The following SMURF2 variants were observed in gnomAD, a reference collection of about 807,000 sequenced individuals.
SMURF2 encodes SMAD specific E3 ubiquitin protein ligase 2.
In SMURF2, 48 loss-of-function variants were observed where a neutral mutation model predicts 109.6. That is an observed-to-expected ratio of 0.44 (90% CI 0.35 to 0.56). The LOEUF (loss-of-function observed/expected upper bound fraction) is 0.56, where lower values mean the gene tolerates loss of function less well. SMURF2 is among the 20% of genes least tolerant of loss of function. SMURF2 has a pLI of 0.01. For missense variants in SMURF2, 575 were observed against 909.0 expected (o/e 0.63, Z 4.72); for synonymous variants, 288 against 317.1 (o/e 0.91, Z 0.97).
intron 8 of SMURF2, among the ~76,000 whole-genome samples, chr17:64,579,303 A>G (rs1389170463): frequency 6.6e-6 from 1 of 151,928 alleles, no homozygotes; most frequent in Non-Finnish European, 1.5e-5. Context: ...TTTTTTTAGA[A>G]CAACAGAACC....
At chr17:64,564,998 G>C (rs1568176165) in intron 10 of SMURF2, among the ~76,000 whole-genome samples, 1 of 152,162 alleles carries the variant, frequency 6.6e-6, no homozygotes, top group Non-Finnish European at 1.5e-5. Flanking sequence ...TGTGGTGATG[G>C]TTTCATGGTG....
chr17:64,643,491 T>C (rs1970517150), intron 1 of SMURF2, among the ~76,000 whole-genome samples: 1 of 152,198 alleles, frequency 6.6e-6, no homozygotes, highest in Admixed American at 6.5e-5. Context: ...CTACATAAAC[T>C]GGGCTCTTTG....
chr17:64,599,038 C>A (rs1179333111), intron 2 of SMURF2, among the ~76,000 whole-genome samples: 1 of 152,156 alleles, frequency 6.6e-6, no homozygotes, highest in Non-Finnish European at 1.5e-5. Flanking sequence ...AATAAAAATA[C>A]TATACATGAA....
chr17:64,602,175 G>C (rs568579560), intron 2 of SMURF2, among the ~76,000 whole-genome samples: 1 of 151,952 alleles, frequency 6.6e-6, no homozygotes, highest in South Asian at 2.1e-4. Context: ...GGGGACTGGG[G>C]GAAAGGGTGG....
intron 1 of SMURF2, among the ~76,000 whole-genome samples, chr17:64,640,917 CAAAAAAAAAAA>C (rs1189014538): frequency 3.5e-5 from 3 of 86,084 alleles, no homozygotes; most frequent in African/African-American, 1.3e-4. Context: ...GACTCCATCT[CAAAAAAAAAAA>C]AAGAAAAAAG....
chr17:64,662,276 G>A lies in SMURF2; in HGVS notation c.-396C>T, dbSNP rs568409075. The A allele has an allele frequency of 4.2e-5, 41 of 982,672 alleles. No individual in the cohort carries two copies. In the African/African-American group the frequency reaches 5.6e-4, roughly 14 times the overall value. 60.9% of individuals were successfully genotyped at this position (982,672 alleles called of 1,614,324 possible). A position where few individuals can be genotyped will look rare whatever the true frequency, so the allele number is the denominator to read the frequency against. ...GGCGCCGGAGCAGAACTCTGGGCTCGGCCGCTTCCTCCTCCACCCGCCCTC... is the reference window on the plus strand; with the variant it reads ...GGCGCCGGAGCAGAACTCTGGGCTCAGCCGCTTCCTCCTCCACCCGCCCTC... On this transcript the variant is annotated 5_prime_UTR_variant, in exon 1 of 19. Transcript: ENST00000262435.
At chr17:64,618,295 C>T (rs527946854) in intron 1 of SMURF2, among the ~76,000 whole-genome samples, 1 of 152,054 alleles carries the variant, frequency 6.6e-6, no homozygotes, top group Non-Finnish European at 1.5e-5. Flanking sequence ...AAAGTAAAAG[C>T]TCAGCTAAAG....
Position 64,542,535 on chromosome 17 carries a change from T to A in SMURF2, c.*3313A>T, listed in dbSNP as rs1468820028. The A allele has an allele frequency of 6.6e-6, 1 of 152,122 alleles. No homozygotes were observed. Among genetic ancestry groups the A allele is most frequent in the African/African-American group, 2.4e-5 (1 of 41,416 alleles). The allele number at this position is 152,122 out of a possible 1,614,324, so 9.4% of individuals were successfully genotyped here. A position where few individuals can be genotyped will look rare whatever the true frequency, so the allele number is the denominator to read the frequency against. The stretch of plus-strand genomic sequence containing the variant: ...GAGAAGAATATTACATAAAGTGAAC[T>A]AATTACATCTAGAAATAAAACAACT... On this transcript the variant is annotated 3_prime_UTR_variant, in exon 19 of 19. Coordinates refer to ENST00000262435, the MANE Select transcript of SMURF2 (RefSeq NM_022739.4).
chr17:64,652,624 A>G (rs1240842595), intron 1 of SMURF2, among the ~76,000 whole-genome samples: 1 of 152,200 alleles, frequency 6.6e-6, no homozygotes, highest in Non-Finnish European at 1.5e-5. Flanking sequence ...AGTAGCTGGG[A>G]TGACAGGCAC....
chr17:64,620,867 T>A (rs184695631), intron 1 of SMURF2, among the ~76,000 whole-genome samples: 1 of 152,320 alleles, frequency 6.6e-6, no homozygotes, highest in Non-Finnish European at 1.5e-5. Context: ...TATAAGGATG[T>A]GCAAACTAAA....
chr17:64,602,907 A>C (rs2144669700), intron 2 of SMURF2, among the ~76,000 whole-genome samples: 1 of 152,200 alleles, frequency 6.6e-6, no homozygotes, highest in African/African-American at 2.4e-5. Context: ...CCCGGGTGTC[A>C]GAGACAGACT....
chr17:64,592,078 T>C (rs1555687740), intron 4 of SMURF2, among the ~76,000 whole-genome samples: 1 of 152,196 alleles, frequency 6.6e-6, no homozygotes, highest in Non-Finnish European at 1.5e-5. Context: ...GGCTATACAG[T>C]GGATTCTGCA....
At chr17:64,652,626 G>A (rs1378315471) in intron 1 of SMURF2, among the ~76,000 whole-genome samples, 1 of 152,174 alleles carries the variant, frequency 6.6e-6, no homozygotes, top group African/African-American at 2.4e-5. Context: ...TAGCTGGGAT[G>A]ACAGGCACCT....
At chr17:64,607,641 A>G (rs1285706775) in intron 1 of SMURF2, among the ~76,000 whole-genome samples, 12 of 144,290 alleles carry the variant, frequency 8.3e-5, no homozygotes, top group Non-Finnish European at 1.2e-4. Flanking sequence ...AAAAAAAAGG[A>G]TTTTATAGTA....
intron 6 of SMURF2, among the ~76,000 whole-genome samples, chr17:64,585,155 G>C (rs1324630819): frequency 6.6e-6 from 1 of 152,138 alleles, no homozygotes; most frequent in East Asian, 1.9e-4. Flanking sequence ...ATATCTCATC[G>C]AAGTTAGTTA....
At chr17:64,550,457 A>G (rs1218197706) in intron 16 of SMURF2, among the ~76,000 whole-genome samples, 2 of 152,200 alleles carry the variant, frequency 1.3e-5, no homozygotes, top group Non-Finnish European at 2.9e-5. Context: ...ACAAAAAACT[A>G]TTCACTGTTT....
rs141070223 is a variant in SMURF2, at chr17:64,583,525, C to T, written c.505G>A (p.Ala169Thr). The T allele has an allele frequency of 1.5e-5, 25 of 1,613,730 alleles. No individual in the cohort carries two copies. Among genetic ancestry groups the T allele is most frequent in the Admixed American group, 1.7e-5 (1 of 59,982 alleles). The change falls in exon 7 of 19, where the codon GCC becomes ACC. Residue 169 changes from alanine to threonine, a missense_variant. Physicochemically the swap from Ala to Thr is moderately conservative, Grantham distance 58. Transcript: ENST00000262435. ...TTTAGATACTGGATTCTTCCAGAGG[C>T]GGTTCTCCTTTCTTCCCAGCTTAAA... ...LPDGWEERRT[A>T]SGRIQYLNHI...
intron 1 of SMURF2, among the ~76,000 whole-genome samples, chr17:64,639,592 T>C (rs530031439): frequency 1.3e-5 from 2 of 151,414 alleles, no homozygotes; most frequent in East Asian, 3.9e-4. Flanking sequence ...AAAAAGAAAA[T>C]TAAGGTTCAT....
At chr17:64,558,380 C>G (rs1390993430) in intron 12 of SMURF2, among the ~76,000 whole-genome samples, 4 of 151,198 alleles carry the variant, frequency 2.6e-5, no homozygotes, top group African/African-American at 9.7e-5. Context: ...GGCTGGGTGA[C>G]AGAGACCCTG....
Sources: gnomAD v4.1 joint callset for allele counts (sites outside exome capture counted in the v4.1 genomes callset) on GRCh38, gnomAD v4.1.1 for gene constraint, MANE v1.5 for transcripts, NCBI Gene and HGNC (gene_info 2026-07-23, HGNC 2026-07-21) for gene names.